The following CDH4 variants were observed in gnomAD, a reference collection of about 807,000 sequenced individuals.
The protein encoded by CDH4 is cadherin 4, also known as cadherin-4.
Under a neutral mutation model 86.0 loss-of-function variants are expected in CDH4, and 33 were observed. The ratio of observed to expected loss-of-function variants is 0.38; its 90% CI spans 0.29 to 0.51. CDH4 has a LOEUF of 0.51. CDH4 is among the 20% of genes least tolerant of loss of function. CDH4 has a pLI of 0.86. For synonymous variants in CDH4, 555 were observed against 549.4 expected, an observed-to-expected ratio of 1.01 and a Z score of -0.14; for missense variants, 1,114 against 1,307.4, an observed-to-expected ratio of 0.85 and a Z score of 2.28.
chr20:61,356,232 A>G (rs2084749549), intron 2 of CDH4, among the ~76,000 whole-genome samples: 2 of 152,178 alleles, frequency 1.3e-5, no homozygotes, highest in Non-Finnish European at 2.9e-5. Flanking sequence ...AAGAGGGTTG[A>G]GTCCCTTGCC....
chr20:61,451,519 G>C (rs1289956438), intron 2 of CDH4, among the ~76,000 whole-genome samples: 2 of 152,150 alleles, frequency 1.3e-5, no homozygotes, highest in African/African-American at 4.8e-5. Context: ...ATGCTTCTGG[G>C]GCAAAGCCTG....
rs1228645926 is a variant in CDH4, at chr20:61,425,526, G to A, written c.169+170589G>A. On this transcript the variant is annotated intron_variant, in intron 2 of 15. Coordinates refer to ENST00000614565, the MANE Select transcript of CDH4 (RefSeq NM_001794.5). ...ACGTGGGCTCTGAGGTCGAGCCTAGGAGAAGGACAGTGGGCAGGGCAGACG... is the reference window on the plus strand; with the variant it reads ...ACGTGGGCTCTGAGGTCGAGCCTAGAAGAAGGACAGTGGGCAGGGCAGACG... 3.9e-5 allele frequency among the ~76,000 whole-genome samples: 6 copies of A among 152,374 alleles called. No individual in the cohort carries two copies. The South Asian group carries it at 1.2e-3, about 32-fold the overall frequency.
rs1568814482 is a variant in CDH4, at chr20:61,784,658, CGAGG to C, written c.576+11477_576+11480del. ...AAGCCCAGTTCCTCGGGACAGTTCTCGAGGCCCTCAGATGTCCTGTGCCCCCAAG... is the reference window on the plus strand; with the variant it reads ...AAGCCCAGTTCCTCGGGACAGTTCTCCCCTCAGATGTCCTGTGCCCCCAAG... On this transcript the variant is annotated intron_variant, in intron 4 of 15. Transcript: ENST00000614565. Among the ~76,000 whole-genome samples, 687 of 75,722 alleles carry C rather than the reference CGAGG, an allele frequency of 9.1e-3. 59 individuals are homozygous for C. The highest frequency in any genetic ancestry group is 0.03 in the South Asian group (66 of 2,164). The allele number at this position is 75,722 out of a possible 152,430, so 49.7% of individuals were successfully genotyped here.
chr20:61,252,797 C>A lies in CDH4; in HGVS notation c.57+227C>A, dbSNP rs989414360. On this transcript the variant is annotated intron_variant, in intron 1 of 15. Coordinates refer to ENST00000614565, the MANE Select transcript of CDH4 (RefSeq NM_001794.5). The surrounding 1 kb of genome is among the most constrained non-coding windows in gnomAD (Gnocchi z 4.4). ...GCGGCGGAGCAGGGTGGGAGTGGGG[C>A]TCGGTGGAGGACCCGGGGAGCTCCG... 4.0e-5 allele frequency among the ~76,000 whole-genome samples: 6 copies of A among 151,502 alleles called. No individual in the cohort carries two copies. Among genetic ancestry groups the A allele is most frequent in the African/African-American group, 1.5e-4 (6 of 41,360 alleles).
intron 2 of CDH4, among the ~76,000 whole-genome samples, chr20:61,667,303 G>A (rs946303250): frequency 2.6e-5 from 4 of 152,190 alleles, no homozygotes; most frequent in Non-Finnish European, 5.9e-5. Context: ...TGCACATCCC[G>A]CCCACCCTGG....
At chr20:61,630,077 C>G (rs896150740) in intron 2 of CDH4, among the ~76,000 whole-genome samples, 2 of 152,146 alleles carry the variant, frequency 1.3e-5, no homozygotes, top group African/African-American at 4.8e-5. Flanking sequence ...AGCATCAGCC[C>G]CAGAAGGTGC....
intron 2 of CDH4, among the ~76,000 whole-genome samples, chr20:61,389,690 CA>C (rs1421583009): frequency 6.6e-6 from 1 of 151,898 alleles, no homozygotes; most frequent in Non-Finnish European, 1.5e-5. Flanking sequence ...GTTGTCACAT[CA>C]GGGGGTGAGA....
At chr20:61,857,563 G>C (rs6089520) in intron 6 of CDH4, among the ~76,000 whole-genome samples, 41,972 of 152,248 alleles carry the variant, frequency 0.28, 5,988 homozygotes, top group South Asian at 0.37. Context: ...CCCCCATGTG[G>C]AGGGAGCTGG....
chr20:61,499,633 G>T, intron 2 of CDH4: 1 of 716,352 alleles, frequency 1.4e-6, no homozygotes, highest in Non-Finnish European at 2.0e-6. Flanking sequence ...TCAGCCTGCA[G>T]ACACAGGACA....
chr20:61,884,537 C>T (rs1306245034), intron 7 of CDH4, among the ~76,000 whole-genome samples: 1 of 151,710 alleles, frequency 6.6e-6, no homozygotes, highest in Non-Finnish European at 1.5e-5. Flanking sequence ...GGCCGTGCCC[C>T]TGAGCAGGGG....
At chr20:61,735,968 G>A (rs8117120) in intron 2 of CDH4, among the ~76,000 whole-genome samples, 15,743 of 152,158 alleles carry the variant, frequency 0.1, 1,070 homozygotes, top group South Asian at 0.2. Context: ...AGGAAAGGCC[G>A]TAGCTCTCTT....
chr20:61,773,933 G>A (rs1366620839), intron 4 of CDH4, among the ~76,000 whole-genome samples: 2 of 152,208 alleles, frequency 1.3e-5, no homozygotes, highest in East Asian at 1.9e-4. Flanking sequence ...TGGGCTGTGC[G>A]TTTGGAATGC....
rs183637601 is a variant in CDH4, at chr20:61,462,017, C to A, written c.169+207080C>A. On this transcript the variant is annotated intron_variant, in intron 2 of 15. Coordinates refer to ENST00000614565, the MANE Select transcript of CDH4 (RefSeq NM_001794.5). ...GGTTCCAGCACAGCACTCGCGTGCA[C>A]TTAAAATTACTACACGGCAGTAAGG... Among the ~76,000 whole-genome samples the A allele has an allele frequency of 2.1e-4, 32 of 152,286 alleles. No individual in the cohort carries two copies. In the East Asian group the frequency reaches 6.2e-3, roughly 29 times the overall value.
chr20:61,653,829 C>G (rs1284608481), intron 2 of CDH4, among the ~76,000 whole-genome samples: 2 of 124,320 alleles, frequency 1.6e-5, no homozygotes, highest in Admixed American at 1.6e-4. Context: ...GATGGGATGG[C>G]GGCCGGGCAG....
At chr20:61,531,657 G>T (rs1385474906) in intron 2 of CDH4, among the ~76,000 whole-genome samples, 2 of 152,194 alleles carry the variant, frequency 1.3e-5, no homozygotes, top group East Asian at 1.9e-4. Flanking sequence ...ATCCCTGGGG[G>T]TGGGCTGGAG....
chr20:61,919,094 C>G (rs192512782), intron 9 of CDH4, among the ~76,000 whole-genome samples: 5 of 152,342 alleles, frequency 3.3e-5, no homozygotes, highest in African/African-American at 9.6e-5. Context: ...TGCTCTCGAA[C>G]TCCTAGGCTC....
intron 3 of CDH4, among the ~76,000 whole-genome samples, chr20:61,759,895 T>G (rs1367358710): frequency 1.3e-5 from 2 of 152,094 alleles, no homozygotes; most frequent in Non-Finnish European, 2.9e-5. Flanking sequence ...AAAGAAGGAT[T>G]CAGCCCAAAG....
At chr20:61,908,278 C>T (rs185145268) in intron 8 of CDH4, among the ~76,000 whole-genome samples, 1 of 152,252 alleles carries the variant, frequency 6.6e-6, no homozygotes, top group Non-Finnish European at 1.5e-5. Context: ...GGAAAGGGGA[C>T]CAGCGTATTT....
intron 6 of CDH4, among the ~76,000 whole-genome samples, chr20:61,857,258 G>A (rs868168765): frequency 3.3e-5 from 5 of 152,252 alleles, no homozygotes; most frequent in African/African-American, 9.6e-5. Context: ...GGAGTAAGAC[G>A]GGGCTCCAGG....
Sources: allele counts gnomAD v4.1 joint callset (sites outside exome capture counted in the v4.1 genomes callset), GRCh38; gene constraint gnomAD v4.1.1; non-coding constraint Gnocchi (gnomAD v3.1); transcripts MANE v1.5; gene names NCBI Gene and HGNC (gene_info 2026-07-23, HGNC 2026-07-21).